The following DLD variants were observed in gnomAD, a reference collection of about 807,000 sequenced individuals.
The protein encoded by DLD is dihydrolipoyl dehydrogenase, mitochondrial.
In DLD, 36 loss-of-function variants were observed where a neutral mutation model predicts 62.2. The ratio of observed to expected loss-of-function variants is 0.58; its 90% CI spans 0.44 to 0.76. DLD has a LOEUF of 0.76. DLD is among the 30% of genes least tolerant of loss of function. DLD has a pLI of 0.00. For missense variants in DLD, 541 were observed against 608.6 expected, an observed-to-expected ratio of 0.89 and a Z score of 1.17; for synonymous variants, 204 against 199.6, an observed-to-expected ratio of 1.02 and a Z score of -0.19.
chr7:107,919,474 C>A lies in DLD; in HGVS notation c.*215C>A. Reference sequence around the variant, plus strand: ...TGTTTCAGTGCACTAATGTGTAAGACAAAAAGCTACTTATTGTAGCATCCT... The same window carrying A: ...TGTTTCAGTGCACTAATGTGTAAGAAAAAAAGCTACTTATTGTAGCATCCT... On this transcript the variant is annotated 3_prime_UTR_variant, in exon 14 of 14. Transcript: ENST00000205402. 2.3e-6 allele frequency: 1 copy of A among 438,850 alleles called. No individual in the cohort carries two copies. Among genetic ancestry groups the A allele is most frequent in the Non-Finnish European group, 4.0e-6 (1 of 248,802 alleles). The allele number at this position is 438,850 out of a possible 1,614,324, so 27.2% of individuals were successfully genotyped here. A position where few individuals can be genotyped will look rare whatever the true frequency, so the allele number is the denominator to read the frequency against.
Position 107,920,319 on chromosome 7 carries a change from T to C in DLD, c.*1060T>C, listed in dbSNP as rs964570745. On this transcript the variant is annotated 3_prime_UTR_variant, in exon 14 of 14. Coordinates refer to ENST00000205402, the MANE Select transcript of DLD (RefSeq NM_000108.5). Reference sequence around the variant, plus strand: ...CAAAGTACTAAATGCTAAGTAGGCTTTTGCATATTGTAACTAAATTTAAGA... The same window carrying C: ...CAAAGTACTAAATGCTAAGTAGGCTCTTGCATATTGTAACTAAATTTAAGA... 2 of 152,366 alleles carry C rather than the reference T, an allele frequency of 1.3e-5. No homozygotes were observed. Among genetic ancestry groups the C allele is most frequent in the Non-Finnish European group, 2.9e-5 (2 of 68,048 alleles). The allele number at this position is 152,366 out of a possible 1,614,324, so 9.4% of individuals were successfully genotyped here.
intron 2 of DLD, among the ~76,000 whole-genome samples, chr7:107,900,374 T>C (rs1161498770): frequency 3.9e-5 from 6 of 152,188 alleles, no homozygotes; most frequent in Non-Finnish European, 7.4e-5. Flanking sequence ...AGCTACTATG[T>C]ATAGAATACT....
In DLD at chr7:107,918,954, T is replaced by C; in HGVS notation, c.1375-56T>C. On this transcript the variant is annotated intron_variant, in intron 12 of 13. Transcript: ENST00000205402. Reference sequence around the variant, plus strand: ...AGCTTCCCCTCAACAATTGCTATCCTATTAGCATGTAGTTTTTGCCTTGGA... The same window carrying C: ...AGCTTCCCCTCAACAATTGCTATCCCATTAGCATGTAGTTTTTGCCTTGGA... 2.2e-6 allele frequency: 3 copies of C among 1,377,326 alleles called. No homozygotes were observed. The South Asian group carries it at 3.5e-5, about 16-fold the overall frequency. The allele number at this position is 1,377,326 out of a possible 1,614,324, so 85.3% of individuals were successfully genotyped here. A position where few individuals can be genotyped will look rare whatever the true frequency, so the allele number is the denominator to read the frequency against.
At chr7:107,905,923 A>G (rs2031995542) in intron 7 of DLD, among the ~76,000 whole-genome samples, 1 of 152,132 alleles carries the variant, frequency 6.6e-6, no homozygotes, top group Admixed American at 6.5e-5. Context: ...CCCCCCTTGG[A>G]TACCAAAACC....
At chr7:107,917,872 G>A (rs2032308667) in intron 11 of DLD, 52 bp from the exon 12 acceptor site, 1 of 1,610,740 alleles carries the variant, frequency 6.2e-7, no homozygotes, top group Non-Finnish European at 8.5e-7. Flanking sequence ...TTTACAAATT[G>A]GAAAGAACTT....
chr7:107,903,164 C>T (rs180820039), intron 4 of DLD, among the ~76,000 whole-genome samples: 5 of 152,022 alleles, frequency 3.3e-5, no homozygotes, highest in East Asian at 1.9e-4. Context: ...TTTGGGAGGC[C>T]GAGGCGGGTG....
At chr7:107,918,613 G>T (rs74889049) in intron 12 of DLD, among the ~76,000 whole-genome samples, 1 of 152,274 alleles carries the variant, frequency 6.6e-6, no homozygotes, top group African/African-American at 2.4e-5. Flanking sequence ...CCTAAAGTAT[G>T]TATCTTTCTT....
chr7:107,901,662 G>C (rs1487374760), intron 2 of DLD, 76 bp from the exon 3 acceptor site: 1 of 1,207,888 alleles, frequency 8.3e-7, no homozygotes, highest in African/African-American at 1.5e-5. Flanking sequence ...CGGGTTATTT[G>C]TTTGCTCTTC....
chr7:107,892,282 A>C (rs926172861), intron 1 of DLD, among the ~76,000 whole-genome samples: 1 of 152,166 alleles, frequency 6.6e-6, no homozygotes, highest in South Asian at 2.1e-4. Context: ...TATAGAGATT[A>C]GGGAGATTAT....
At chr7:107,892,970 CTA>C (rs751135416) in intron 1 of DLD, among the ~76,000 whole-genome samples, 3 of 152,098 alleles carry the variant, frequency 2.0e-5, no homozygotes, top group African/African-American at 7.2e-5. Context: ...GATTTGTTGA[CTA>C]TTGATAATAA....
chr7:107,901,692 A>AATT, intron 2 of DLD, 46 bp from the exon 3 acceptor site: 1 of 1,516,966 alleles, frequency 6.6e-7, no homozygotes, highest in Non-Finnish European at 9.2e-7. Context: ...CTTTTTGGTA[A>AATT]ATATTAAGCA....
chr7:107,920,225 A>G lies in DLD; in HGVS notation c.*966A>G, dbSNP rs904326779. 3.3e-5 allele frequency: 5 copies of G among 152,294 alleles called. No homozygotes were observed. The highest frequency in any genetic ancestry group is 9.7e-5 in the African/African-American group (4 of 41,428). 9.4% of individuals were successfully genotyped at this position (152,294 alleles called of 1,614,324 possible). ...TCCTTGGCTGGGTTAATGACTGTTT[A>G]TTTAAAGAGTGTTGTAAAATTGGAT... On this transcript the variant is annotated 3_prime_UTR_variant, in exon 14 of 14. Transcript: ENST00000205402.
intron 1 of DLD, 85 bp downstream of exon 1, chr7:107,891,374 T>C: frequency 6.9e-7 from 1 of 1,452,732 alleles, no homozygotes; most frequent in Non-Finnish European, 9.2e-7. Flanking sequence ...TTAACCGTGT[T>C]GGGCTGGCGG....
chr7:107,896,628 G>A lies in DLD; in HGVS notation c.118+3350G>A, dbSNP rs114986161. On this transcript the variant is annotated intron_variant, in intron 2 of 13. Coordinates refer to ENST00000205402, the MANE Select transcript of DLD (RefSeq NM_000108.5). ...TTTTGGGTGATAACAAGTATAGAGT[G>A]TTAACTATGGGAGGAGGTTACTGAA... 3.9e-3 allele frequency among the ~76,000 whole-genome samples: 588 copies of A among 152,242 alleles called. 6 individuals are homozygous for A. Among genetic ancestry groups the A allele is most frequent in the African/African-American group, 0.014 (562 of 41,552 alleles).
rs376605135 is a variant in DLD, at chr7:107,901,734, G to C, written c.119-4G>C. ...TATTTTATATCAATTTGCTTTTATCGTAGTTGATGCTGATGTAACAGTTAT... is the reference window on the plus strand; with the variant it reads ...TATTTTATATCAATTTGCTTTTATCCTAGTTGATGCTGATGTAACAGTTAT... On this transcript the variant is annotated splice_polypyrimidine_tract_variant and splice_region_variant and intron_variant, in intron 2 of 13. Coordinates refer to ENST00000205402, the MANE Select transcript of DLD (RefSeq NM_000108.5). 4 of 1,612,254 alleles carry C rather than the reference G, an allele frequency of 2.5e-6. No homozygotes were observed. The highest frequency in any genetic ancestry group is 3.4e-6 in the Non-Finnish European group (4 of 1,178,512).
chr7:107,917,059 G>A, intron 10 of DLD, 95 bp downstream of exon 10: 2 of 1,329,422 alleles, frequency 1.5e-6, no homozygotes, highest in Non-Finnish European at 2.1e-6. Flanking sequence ...AATATGTATT[G>A]GCTTTGGGGA....
chr7:107,909,032 A>G (rs1216588754), intron 8 of DLD, among the ~76,000 whole-genome samples: 2 of 152,200 alleles, frequency 1.3e-5, no homozygotes, highest in African/African-American at 4.8e-5. Flanking sequence ...TCTGGGTTGT[A>G]GAGAGTACTT....
intron 7 of DLD, chr7:107,905,804 A>G (rs372371700): frequency 7.4e-6 from 3 of 407,916 alleles, no homozygotes; most frequent in East Asian, 5.3e-5. Context: ...AATTAGGTAT[A>G]TAGATACCTC....
chr7:107,894,868 A>G (rs956992512), intron 2 of DLD, among the ~76,000 whole-genome samples: 1 of 152,210 alleles, frequency 6.6e-6, no homozygotes, highest in South Asian at 2.1e-4. Context: ...ACATACTTGT[A>G]TTTTATCTGA....
Sources: allele counts gnomAD v4.1 joint callset (sites outside exome capture counted in the v4.1 genomes callset), GRCh38; gene constraint gnomAD v4.1.1; transcripts MANE v1.5; gene names NCBI Gene and HGNC (gene_info 2026-07-23, HGNC 2026-07-21).